TYW5: variants seen among roughly 807,000 people sequenced by gnomAD.
The protein encoded by TYW5 is tRNA-yW synthesizing protein 5.
A neutral mutation model predicts 44.4 loss-of-function variants in TYW5; 36 were observed. That is an observed-to-expected ratio of 0.81 (90% CI 0.62 to 1.07). TYW5 has a LOEUF of 1.07. TYW5 is among the 50% of genes least tolerant of loss of function. TYW5 has a pLI of 0.00. For missense variants in TYW5, 354 were observed against 365.7 expected (o/e 0.97, Z 0.26); for synonymous variants, 121 against 128.1 (o/e 0.94, Z 0.37).
intron 7 of TYW5, among the ~76,000 whole-genome samples, chr2:199,935,488 T>C (rs2077411319): frequency 6.6e-6 from 1 of 151,742 alleles, no homozygotes; most frequent in Non-Finnish European, 1.5e-5. Context: ...GACGTACAGA[T>C]GCACACCACC....
intron 7 of TYW5, among the ~76,000 whole-genome samples, chr2:199,935,419 C>T (rs2077410750): frequency 6.6e-6 from 1 of 151,796 alleles, no homozygotes; most frequent in Non-Finnish European, 1.5e-5. Context: ...CCTCCTCAAC[C>T]TCAACCTCAA....
At chr2:199,939,415 T>G (rs913161223) in intron 4 of TYW5, among the ~76,000 whole-genome samples, 3 of 152,234 alleles carry the variant, frequency 2.0e-5, no homozygotes, top group Non-Finnish European at 4.4e-5. Context: ...ATACATGATC[T>G]TTCAAATGAA....
chr2:199,943,970 C>T (rs2077485651), intron 2 of TYW5, 136 bp from the exon 3 acceptor site: 2 of 575,212 alleles, frequency 3.5e-6, no homozygotes, highest in Non-Finnish European at 5.9e-6. Context: ...TTATTATAAC[C>T]TATTATGTGA....
Position 199,933,608 on chromosome 2 carries a change from A to G in TYW5, c.692-285T>C, listed in dbSNP as rs531123673. 3.3e-5 allele frequency among the ~76,000 whole-genome samples: 5 copies of G among 152,308 alleles called. No homozygotes were observed. The East Asian group carries it at 9.6e-4, about 29-fold the overall frequency. On this transcript the variant is annotated intron_variant, in intron 7 of 7. Transcript: ENST00000354611. ...CATAATAAAGATATATTTGTTTTGCAGTTCTCTAATCTAGGGCTGTGTTTT... is the reference window on the plus strand; with the variant it reads ...CATAATAAAGATATATTTGTTTTGCGGTTCTCTAATCTAGGGCTGTGTTTT...
At chr2:199,938,106 C>G (rs1325382795) in intron 5 of TYW5, among the ~76,000 whole-genome samples, 1 of 151,770 alleles carries the variant, frequency 6.6e-6, no homozygotes, top group East Asian at 1.9e-4. Flanking sequence ...GTTCTGTCGC[C>G]CAGGCTGGAG....
In TYW5 at chr2:199,936,385, A is replaced by C. The variant is rs548914448; in HGVS notation, c.574+20T>G. The C allele has an allele frequency of 1.9e-6, 3 of 1,592,144 alleles. No individual in the cohort carries two copies. In the African/African-American group the frequency reaches 4.1e-5, roughly 22 times the overall value. On this transcript the variant is annotated intron_variant, in intron 6 of 7. Coordinates refer to ENST00000354611, the MANE Select transcript of TYW5 (RefSeq NM_001039693.3). Reference sequence around the variant, plus strand: ...AACTGAATAGACTTTTGAAATATAAACTTAAAAAAAATCCCATACCTTTTA... The same window carrying C: ...AACTGAATAGACTTTTGAAATATAACCTTAAAAAAAATCCCATACCTTTTA...
At chr2:199,935,847 A>C (rs1279475485) in intron 7 of TYW5, 84 bp downstream of exon 7, 1 of 865,654 alleles carries the variant, frequency 1.2e-6, no homozygotes, top group East Asian at 2.5e-5. Context: ...ATATATTTGT[A>C]CTAAAAAAAA....
intron 1 of TYW5, among the ~76,000 whole-genome samples, chr2:199,950,100 G>A (rs2077533513): frequency 6.6e-6 from 1 of 152,088 alleles, no homozygotes; most frequent in Non-Finnish European, 1.5e-5. Flanking sequence ...TAGGATATAT[G>A]TGAGGGTCTA....
In TYW5 at chr2:199,937,949, TTC is replaced by T. The variant is rs1376593784; in HGVS notation, c.486+982_486+983del. The stretch of plus-strand genomic sequence containing the variant: ...AGATATTCCTTTACCTTCCTTAAGT[TTC>T]TCTACTTCCCAACACCAAACCATAT... On this transcript the variant is annotated intron_variant, in intron 5 of 7. Coordinates refer to ENST00000354611, the MANE Select transcript of TYW5 (RefSeq NM_001039693.3). Among the ~76,000 whole-genome samples, 6 of 152,330 alleles carry T rather than the reference TTC, an allele frequency of 3.9e-5. No individual in the cohort carries two copies. The South Asian group carries it at 1.2e-3, about 32-fold the overall frequency.
intron 3 of TYW5, among the ~76,000 whole-genome samples, chr2:199,940,359 A>C (rs566309187): frequency 9.9e-5 from 15 of 152,212 alleles, no homozygotes; most frequent in Non-Finnish European, 1.5e-5. Flanking sequence ...GTTTTCTAAA[A>C]AGTTCAATTA....
Position 199,936,029 on chromosome 2 carries a change from A to G in TYW5, c.593T>C (p.Leu198Pro). ...AGCCAAGTCTGGGTTATCTATATTC[A>G]GTACTTCTGATTTAGTACCTAAAAA... is the stretch of plus-strand genomic sequence containing the variant. ...LYLKGTKSEV[L>P]NIDNPDLAKY... Residue 198 changes from leucine (L) to proline (P), a missense_variant, in exon 7 of 8, where the codon CTG becomes CCG. Transcript: ENST00000354611. 2.5e-6 allele frequency: 4 copies of G among 1,608,450 alleles called. No homozygotes were observed. The highest frequency in any genetic ancestry group is 3.4e-6 in the Non-Finnish European group (4 of 1,175,626).
intron 5 of TYW5, among the ~76,000 whole-genome samples, chr2:199,937,074 C>T (rs554722325): frequency 1.3e-5 from 2 of 151,784 alleles, no homozygotes; most frequent in Non-Finnish European, 2.9e-5. Context: ...ATTATTGGAG[C>T]AATCGTTTCC....
rs192489392 is a variant in TYW5 at position 199,931,413 on chromosome 2, C to T, written c.*1654G>A. On this transcript the variant is annotated 3_prime_UTR_variant, in exon 8 of 8. Transcript: ENST00000354611. ...TGGATTTATACTTTGTATCAATTCTCTTGCTGGTTAAGAAAAAAAACAAGA... is the reference window on the plus strand; with the variant it reads ...TGGATTTATACTTTGTATCAATTCTTTTGCTGGTTAAGAAAAAAAACAAGA... 1 of 152,204 alleles carries T rather than the reference C, an allele frequency of 6.6e-6. No homozygotes were observed. Among genetic ancestry groups the T allele is most frequent in the Admixed American group, 6.5e-5 (1 of 15,284 alleles). 9.4% of individuals were successfully genotyped at this position (152,204 alleles called of 1,614,324 possible).
chr2:199,943,864 TTAA>T, intron 2 of TYW5, 30 bp from the exon 3 acceptor site: 1 of 1,564,712 alleles, frequency 6.4e-7, no homozygotes, highest in South Asian at 1.2e-5. Context: ...ATCCTTGGAC[TTAA>T]TAATAACAGA....
rs1047162020 is a variant in TYW5, at chr2:199,943,651, C to G, written c.303+114G>C. The G allele has an allele frequency of 4.9e-6, 4 of 816,366 alleles. No homozygotes were observed. The African/African-American group carries it at 5.3e-5, about 11-fold the overall frequency. The allele number at this position is 816,366 out of a possible 1,614,324, so 50.6% of individuals were successfully genotyped here. On this transcript the variant is annotated intron_variant, in intron 3 of 7. Coordinates refer to ENST00000354611, the MANE Select transcript of TYW5 (RefSeq NM_001039693.3). ...CTGTGGTGCATCCAACCAAATCTTA[C>G]GAATGTCTATCAGAGACGGCTGTTG...
intron 1 of TYW5, among the ~76,000 whole-genome samples, chr2:199,948,997 A>C (rs1352389289): frequency 6.6e-6 from 1 of 152,160 alleles, no homozygotes; most frequent in Non-Finnish European, 1.5e-5. Context: ...CTAAAAACTT[A>C]AGTATATTTT....
intron 3 of TYW5, chr2:199,942,432 T>A (rs990666236): frequency 6.6e-6 from 1 of 152,228 alleles, no homozygotes; most frequent in Non-Finnish European, 1.5e-5. Flanking sequence ...ACAGTTCAAG[T>A]TGATCTTGTT....
Position 199,948,321 on chromosome 2 carries a change from T to A in TYW5, c.230A>T (p.Tyr77Phe), listed in dbSNP as rs191659363. The A allele has an allele frequency of 1.9e-6, 3 of 1,614,042 alleles. No individual in the cohort carries two copies. In the South Asian group the frequency reaches 3.3e-5, roughly 18 times the overall value. ...AGTAAACCTCAGAAGAAAATACCTA[T>A]ATACAAAGTTCTTACTAATGAAGTC... The part of the protein sequence containing the change: ...QMDFISKNFV[Y>F]RTLPFDQLVQ... Residue 77 changes from tyrosine to phenylalanine, a missense_variant, in exon 2 of 8, where the codon TAT (tyrosine) becomes TTT (phenylalanine). Transcript: ENST00000354611.
At chr2:199,939,896 C>A (rs1047241734) in intron 4 of TYW5, among the ~76,000 whole-genome samples, 193 bp downstream of exon 4, 1 of 152,098 alleles carries the variant, frequency 6.6e-6, no homozygotes, top group Non-Finnish European at 1.5e-5. Flanking sequence ...ATTCTACAGG[C>A]CTACCTGAAT....
Sources: allele counts gnomAD v4.1 joint callset (sites outside exome capture counted in the v4.1 genomes callset), GRCh38; gene constraint gnomAD v4.1.1; transcripts MANE v1.5; gene names NCBI Gene and HGNC (gene_info 2026-07-23, HGNC 2026-07-21).